Variants in NPAS3 observed in about 807,000 individuals in gnomAD.
NPAS3 encodes neuronal PAS domain-containing protein 3.
A neutral mutation model predicts 73.1 loss-of-function variants in NPAS3; 14 were observed. The ratio of observed to expected loss-of-function variants is 0.19; its 90% CI spans 0.13 to 0.30. The LOEUF (loss-of-function observed/expected upper bound fraction) is 0.30, where lower values mean the gene tolerates loss of function less well. NPAS3 is among the 10% of genes least tolerant of loss of function. The pLI is 1.00. For synonymous variants in NPAS3, 620 were observed against 541.5 expected (o/e 1.14, Z -2.01); for missense variants, 1,096 against 1,250.0 (o/e 0.88, Z 1.86).
chr14:33,403,385 G>T (rs2047528910), intron 4 of NPAS3, among the ~76,000 whole-genome samples: 2 of 151,986 alleles, frequency 1.3e-5, no homozygotes, highest in Admixed American at 6.6e-5. Context: ...AAGAAAAAAT[G>T]CAATAGTACA....
chr14:33,260,275 T>C (rs142036050), intron 3 of NPAS3, among the ~76,000 whole-genome samples: 1,546 of 152,282 alleles, frequency 0.01, 11 homozygotes, highest in Non-Finnish European at 0.016. Context: ...TGTTGGTATA[T>C]ACTTAGATGA....
At chr14:33,516,034 A>G (rs1387330549) in intron 4 of NPAS3, among the ~76,000 whole-genome samples, 1 of 152,058 alleles carries the variant, frequency 6.6e-6, no homozygotes, top group African/African-American at 2.4e-5. Flanking sequence ...ACACATGCAC[A>G]TACATGCACA....
intron 3 of NPAS3, among the ~76,000 whole-genome samples, chr14:33,257,785 C>G (rs1267872525): frequency 6.6e-6 from 1 of 152,134 alleles, no homozygotes; most frequent in Non-Finnish European, 1.5e-5. Context: ...CCAAGAATAA[C>G]TGTGCCTTTT....
At chr14:33,604,154 C>T (rs932849770) in intron 5 of NPAS3, among the ~76,000 whole-genome samples, 2 of 151,938 alleles carry the variant, frequency 1.3e-5, no homozygotes, top group Non-Finnish European at 2.9e-5. Context: ...TAGATTTAAA[C>T]CTGATCGTAT....
chr14:33,209,469 G>A (rs955240940), intron 2 of NPAS3, among the ~76,000 whole-genome samples: 1 of 152,094 alleles, frequency 6.6e-6, no homozygotes, highest in Non-Finnish European at 1.5e-5. Flanking sequence ...TAGGGCAAGT[G>A]TAGGTACTGG....
intron 2 of NPAS3, among the ~76,000 whole-genome samples, chr14:33,097,623 A>G (rs769778614): frequency 3.3e-5 from 5 of 152,198 alleles, no homozygotes; most frequent in Non-Finnish European, 5.9e-5. Flanking sequence ...AAGTGGTTGT[A>G]CCAATCAGCA....
At chr14:32,995,118 G>C (rs2038512064) in intron 1 of NPAS3, among the ~76,000 whole-genome samples, 1 of 152,164 alleles carries the variant, frequency 6.6e-6, no homozygotes, top group Non-Finnish European at 1.5e-5. Context: ...ACAGAAAAAG[G>C]AATATGGGCT....
intron 4 of NPAS3, among the ~76,000 whole-genome samples, chr14:33,522,363 C>T (rs528134373): frequency 2.0e-5 from 3 of 151,978 alleles, no homozygotes; most frequent in South Asian, 2.1e-4. Context: ...GAAGTGCCAC[C>T]GCCACATTGC....
At chr14:33,576,870 A>T (rs1357410318) in intron 5 of NPAS3, among the ~76,000 whole-genome samples, 1 of 152,190 alleles carries the variant, frequency 6.6e-6, no homozygotes, top group Non-Finnish European at 1.5e-5. Context: ...CCTCAGAGGA[A>T]TTTCAGCAGA....
chr14:33,497,013 A>G (rs2052232354), intron 4 of NPAS3, among the ~76,000 whole-genome samples: 2 of 152,198 alleles, frequency 1.3e-5, no homozygotes, highest in South Asian at 2.1e-4. Flanking sequence ...CAGGATACAA[A>G]ATCAATGTGC....
chr14:33,133,730 G>T (rs1223062962), intron 2 of NPAS3, among the ~76,000 whole-genome samples: 1 of 152,174 alleles, frequency 6.6e-6, no homozygotes, highest in Non-Finnish European at 1.5e-5. Flanking sequence ...GGAAGCTTTT[G>T]TAAGAATGTA....
In NPAS3 at chr14:33,356,508, A is replaced by G. The variant is rs182178970; in HGVS notation, c.386-10678A>G. The stretch of plus-strand genomic sequence containing the variant: ...TTCAGTCCCACAGTCTCCTCACAGA[A>G]TACAAGTATCTGACTTAGTTGTGCA... On this transcript the variant is annotated intron_variant, in intron 3 of 11. Coordinates refer to ENST00000356141, the Ensembl canonical transcript of NPAS3. Among the ~76,000 whole-genome samples the G allele has an allele frequency of 2.0e-5, 3 of 152,334 alleles. No homozygotes were observed. The East Asian group carries it at 5.8e-4, about 29-fold the overall frequency.
intron 8 of NPAS3, among the ~76,000 whole-genome samples, chr14:33,775,595 A>G (rs1287694110): frequency 6.6e-6 from 1 of 152,168 alleles, no homozygotes; most frequent in African/African-American, 2.4e-5. Flanking sequence ...AAAGGAAATA[A>G]TTCACCCTGG....
chr14:33,088,650 C>T (rs1010901993), intron 2 of NPAS3, among the ~76,000 whole-genome samples: 1 of 152,184 alleles, frequency 6.6e-6, no homozygotes, highest in African/African-American at 2.4e-5. Context: ...ACTTAAATGT[C>T]CCTGTGTGAC....
chr14:33,381,296 C>G (rs1217455732), intron 4 of NPAS3, among the ~76,000 whole-genome samples: 1 of 152,184 alleles, frequency 6.6e-6, no homozygotes, highest in African/African-American at 2.4e-5. Flanking sequence ...TTACGTCTTT[C>G]TAAATATAAA....
chr14:33,386,468 G>A (rs1045501266), intron 4 of NPAS3, among the ~76,000 whole-genome samples: 1 of 151,296 alleles, frequency 6.6e-6, no homozygotes, highest in Non-Finnish European at 1.5e-5. Context: ...ATGGGCAGAT[G>A]TATGTACTGG....
chr14:33,086,487 G>C lies in NPAS3; in HGVS notation c.140+30493G>C, dbSNP rs572377315. Reference sequence around the variant, plus strand: ...ACTTAGGATGTTTGTTACTGAGTTAGGGTTTCACTGAGTTATAATTTCAGT... The same window carrying C: ...ACTTAGGATGTTTGTTACTGAGTTACGGTTTCACTGAGTTATAATTTCAGT... On this transcript the variant is annotated intron_variant, in intron 2 of 11. Coordinates refer to ENST00000356141, the Ensembl canonical transcript of NPAS3. 3.3e-5 allele frequency among the ~76,000 whole-genome samples: 5 copies of C among 152,246 alleles called. No individual in the cohort carries two copies. In the South Asian group the frequency reaches 1.0e-3, roughly 32 times the overall value.
At chr14:32,950,234 G>T (rs1253194453) in intron 1 of NPAS3, among the ~76,000 whole-genome samples, 1 of 152,026 alleles carries the variant, frequency 6.6e-6, no homozygotes, top group African/African-American at 2.4e-5. Flanking sequence ...CTGTTCCAGA[G>T]TTTGCCCAAA....
intron 4 of NPAS3, among the ~76,000 whole-genome samples, chr14:33,403,690 C>T (rs555524482): frequency 6.6e-6 from 1 of 152,196 alleles, no homozygotes; most frequent in African/African-American, 2.4e-5. Flanking sequence ...TTCTCACCCA[C>T]TCTTTCCTTC....
Sources: allele counts gnomAD v4.1 joint callset (sites outside exome capture counted in the v4.1 genomes callset), GRCh38; gene constraint gnomAD v4.1.1; transcripts MANE v1.5; gene names NCBI Gene and HGNC (gene_info 2026-07-23, HGNC 2026-07-21).